Variants in SORCS3 observed in about 807,000 individuals in gnomAD.
SORCS3 encodes the protein VPS10 domain-containing receptor SorCS3.
SORCS3 carries 57 observed loss-of-function variants against 146.3 expected under a neutral mutation model. The observed-to-expected ratio is 0.39, with a 90% CI of 0.31 to 0.49. The LOEUF is 0.49. SORCS3 is among the 20% of genes least tolerant of loss of function. The probability of loss-of-function intolerance (pLI) is 0.92; values close to 1 mark genes in which losing one functional copy is unlikely to be tolerated. For missense variants in SORCS3, 1,341 were observed against 1,575.5 expected, an observed-to-expected ratio of 0.85 and a Z score of 2.52; for synonymous variants, 653 against 618.5, an observed-to-expected ratio of 1.06 and a Z score of -0.83.
chr10:104,824,004 TG>T (rs2017905728), intron 1 of SORCS3, among the ~76,000 whole-genome samples: 2 of 152,138 alleles, frequency 1.3e-5, no homozygotes, highest in South Asian at 4.2e-4. Context: ...AGTCAAGGAA[TG>T]GGGGAAAAGA....
intron 3 of SORCS3, among the ~76,000 whole-genome samples, chr10:104,948,703 T>C (rs543392637): frequency 1.1e-4 from 17 of 152,316 alleles, no homozygotes; most frequent in Admixed American, 2.0e-4. Context: ...AGAGGAAGAT[T>C]ACTGCGGATC....
intron 2 of SORCS3, among the ~76,000 whole-genome samples, chr10:104,914,929 C>T (rs1312347416): frequency 6.7e-6 from 1 of 149,166 alleles, no homozygotes; most frequent in Non-Finnish European, 1.5e-5. Flanking sequence ...TAAGTCTAGC[C>T]AAGGACAGTG....
At chr10:104,764,923 C>G (rs2017162269) in intron 1 of SORCS3, among the ~76,000 whole-genome samples, 1 of 152,094 alleles carries the variant, frequency 6.6e-6, no homozygotes, top group East Asian at 1.9e-4. Flanking sequence ...TCCAGGATTT[C>G]TGGAGTCTAA....
At chr10:104,987,091 T>C (rs1416010841) in intron 4 of SORCS3, among the ~76,000 whole-genome samples, 1 of 151,780 alleles carries the variant, frequency 6.6e-6, no homozygotes, top group African/African-American at 2.4e-5. Flanking sequence ...TATATAAATA[T>C]ATACAACTGC....
intron 24 of SORCS3, among the ~76,000 whole-genome samples, chr10:105,256,542 C>G (rs915755802): frequency 6.6e-6 from 1 of 152,224 alleles, no homozygotes; most frequent in South Asian, 2.1e-4. Context: ...CCTTATTCCA[C>G]TCCCCTGAGC....
chr10:104,977,178 CAGG>C, intron 3 of SORCS3, among the ~76,000 whole-genome samples, 154 bp from the exon 4 acceptor site: 1 of 152,176 alleles, frequency 6.6e-6, no homozygotes, highest in East Asian at 1.9e-4. Flanking sequence ...GAGACTAAAT[CAGG>C]AGAAAAGTTA....
At chr10:105,121,123 A>C (rs1383925317) in intron 7 of SORCS3, among the ~76,000 whole-genome samples, 1 of 152,166 alleles carries the variant, frequency 6.6e-6, no homozygotes, top group African/African-American at 2.4e-5. Flanking sequence ...CTCTTTCACT[A>C]TTTGGAAATC....
At chr10:104,744,071 A>G (rs2016880612) in intron 1 of SORCS3, among the ~76,000 whole-genome samples, 1 of 152,234 alleles carries the variant, frequency 6.6e-6, no homozygotes, top group African/African-American at 2.4e-5. Flanking sequence ...TCCATATTGC[A>G]GATGAAGAAA....
At chr10:104,858,951 A>AAAC (rs1554855016) in intron 2 of SORCS3, among the ~76,000 whole-genome samples, 15 of 151,178 alleles carry the variant, frequency 9.9e-5, no homozygotes, top group Admixed American at 4.6e-4. Flanking sequence ...AAAAAAAAAA[A>AAAC]AACAACAAAA....
chr10:104,916,684 A>G (rs1484333263), intron 3 of SORCS3, among the ~76,000 whole-genome samples: 1 of 152,164 alleles, frequency 6.6e-6, no homozygotes, highest in African/African-American at 2.4e-5. Context: ...AAGCACTGCT[A>G]TTTAGAAACG....
Position 105,208,527 on chromosome 10 carries a change from G to T in SORCS3, c.2262-2610G>T, listed in dbSNP as rs375746670. Among the ~76,000 whole-genome samples, 27 of 151,628 alleles carry T rather than the reference G, an allele frequency of 1.8e-4. No individual in the cohort carries two copies. The East Asian group carries it at 5.2e-3, about 29-fold the overall frequency. ...ACCTGACATGAGTGAACGCAGAACT[G>T]GGGAGAGATAGCTAGTACCACAACA... is the stretch of plus-strand genomic sequence containing the variant. On this transcript the variant is annotated intron_variant, in intron 16 of 26. Coordinates refer to ENST00000369701, the MANE Select transcript of SORCS3 (RefSeq NM_014978.3).
At chr10:104,813,244 C>G (rs2017759230) in intron 1 of SORCS3, among the ~76,000 whole-genome samples, 1 of 152,194 alleles carries the variant, frequency 6.6e-6, no homozygotes, top group South Asian at 2.1e-4. Flanking sequence ...CCAGACAGTT[C>G]CCACGACCCG....
At chr10:105,108,477 A>G (rs1340554856) in intron 7 of SORCS3, among the ~76,000 whole-genome samples, 1 of 152,200 alleles carries the variant, frequency 6.6e-6, no homozygotes, top group Non-Finnish European at 1.5e-5. Flanking sequence ...AGAAATAAGT[A>G]TTGATAGAAA....
chr10:104,811,081 G>A (rs1207530336), intron 1 of SORCS3, among the ~76,000 whole-genome samples: 2 of 152,098 alleles, frequency 1.3e-5, no homozygotes, highest in South Asian at 2.1e-4. Flanking sequence ...GATAAGACAT[G>A]CACGTAATAA....
intron 6 of SORCS3, among the ~76,000 whole-genome samples, chr10:105,104,483 AT>A (rs981518452): frequency 6.6e-6 from 1 of 152,100 alleles, no homozygotes; most frequent in African/African-American, 2.4e-5. Context: ...GGTACCATGC[AT>A]TTTTTGGGTT....
chr10:104,696,670 TATAACATATATAATA>T (rs2016214970), intron 1 of SORCS3, among the ~76,000 whole-genome samples: 1 of 9,330 alleles, frequency 1.1e-4, no homozygotes, highest in Non-Finnish European at 1.9e-4. Flanking sequence ...ATATATAATA[TATAACATATATAATA>T]TATAATATAT....
chr10:105,102,494 C>CA (rs1204594481), intron 6 of SORCS3, among the ~76,000 whole-genome samples: 1 of 151,930 alleles, frequency 6.6e-6, no homozygotes, highest in Non-Finnish European at 1.5e-5. Flanking sequence ...CATACAGACA[C>CA]AAAAAAGGGA....
At chr10:104,751,322 G>A (rs1372677191) in intron 1 of SORCS3, among the ~76,000 whole-genome samples, 4 of 152,158 alleles carry the variant, frequency 2.6e-5, no homozygotes, top group Non-Finnish European at 5.9e-5. Flanking sequence ...ATGTAATGTA[G>A]GATTGGTCTC....
At chr10:105,056,090 A>T (rs573152313) in intron 5 of SORCS3, among the ~76,000 whole-genome samples, 1 of 152,200 alleles carries the variant, frequency 6.6e-6, no homozygotes, top group Non-Finnish European at 1.5e-5. Context: ...AGGAGATAGG[A>T]TGGAAGAATC....
Sources: allele counts gnomAD v4.1 joint callset (sites outside exome capture counted in the v4.1 genomes callset), GRCh38; gene constraint gnomAD v4.1.1; transcripts MANE v1.5; gene names NCBI Gene and HGNC (gene_info 2026-07-23, HGNC 2026-07-21).